The following SORT1 variants were observed in gnomAD, a reference collection of about 807,000 sequenced individuals.
SORT1 encodes sortilin.
In SORT1, 39 loss-of-function variants were observed where a neutral mutation model predicts 101.7. The observed-to-expected ratio is 0.38, with a 90% confidence interval of 0.30 to 0.50. The LOEUF is 0.50. Among genes scored for constraint, SORT1 ranks in the 20% least tolerant of loss-of-function variants. The probability of loss-of-function intolerance (pLI) is 0.90; values close to 1 mark genes in which losing one functional copy is unlikely to be tolerated. For missense variants in SORT1, 878 were observed against 1,040.4 expected (o/e 0.84, Z 2.15); for synonymous variants, 396 against 393.7 (o/e 1.01, Z -0.07).
At chr1:109,329,291 C>T (rs1648291563) in intron 11 of SORT1, among the ~76,000 whole-genome samples, 2 of 152,062 alleles carry the variant, frequency 1.3e-5, no homozygotes, top group Non-Finnish European at 2.9e-5. Flanking sequence ...TGTCGCTCTG[C>T]CACCCAGGCT....
At chr1:109,372,992 C>G (rs1168075253) in intron 1 of SORT1, among the ~76,000 whole-genome samples, 1 of 151,008 alleles carries the variant, frequency 6.6e-6, no homozygotes, top group East Asian at 1.9e-4. Flanking sequence ...GAGGCGGAGG[C>G]TGCAGTGAGG....
In SORT1 at chr1:109,311,083, G is replaced by T. The variant is rs1658702975; in HGVS notation, c.*2960C>A. ...CCAGAACTGCCGCAACTCTCCAAAGGCTTTTATTCTTTGAAATAGAGTTGC... is the reference window on the plus strand; with the variant it reads ...CCAGAACTGCCGCAACTCTCCAAAGTCTTTTATTCTTTGAAATAGAGTTGC... On this transcript the variant is annotated 3_prime_UTR_variant, in exon 20 of 20. Coordinates refer to ENST00000256637, the MANE Select transcript of SORT1 (RefSeq NM_002959.7). 1 of 152,180 alleles carries T rather than the reference G, an allele frequency of 6.6e-6. No homozygotes were observed. Among genetic ancestry groups the T allele is most frequent in the South Asian group, 2.1e-4 (1 of 4,832 alleles). 9.4% of individuals were successfully genotyped at this position (152,180 alleles called of 1,614,324 possible). A position where few individuals can be genotyped will look rare whatever the true frequency, so the allele number is the denominator to read the frequency against.
intron 1 of SORT1, among the ~76,000 whole-genome samples, chr1:109,379,731 T>G (rs929212563): frequency 2.6e-5 from 4 of 152,154 alleles, no homozygotes; most frequent in Non-Finnish European, 5.9e-5. Context: ...AAAAATTTAT[T>G]AATCCCATGA....
chr1:109,319,289 T>C (rs1647459736), intron 15 of SORT1, among the ~76,000 whole-genome samples: 1 of 152,182 alleles, frequency 6.6e-6, no homozygotes, highest in South Asian at 2.1e-4. Flanking sequence ...AGAAACAATG[T>C]CTGCTGACAA....
At chr1:109,344,060 C>T (rs764073108) in intron 8 of SORT1, among the ~76,000 whole-genome samples, 1 of 152,146 alleles carries the variant, frequency 6.6e-6, no homozygotes, top group African/African-American at 2.4e-5. Flanking sequence ...CTTAAAGGTA[C>T]CCTTGATTCC....
rs763243794 is a variant in SORT1, at chr1:109,322,947, AG to A, written c.2008del (p.Leu670TrpfsTer25). Reference protein sequence around the residue: ...TKQPSICLCSLEDFLCDFGYY... With the variant: ...TKQPSICLCSXEDFLCDFGYY... ...ATGCTGATACCAGAGAAAGTCCTCCAGGGAACAGAGGCAGATGGAGGGCTGC... is the reference window on the plus strand; with the variant it reads ...ATGCTGATACCAGAGAAAGTCCTCCAGGAACAGAGGCAGATGGAGGGCTGC... On this transcript the variant is annotated frameshift_variant, in exon 15 of 20. Transcript: ENST00000256637. LOFTEE classifies it high-confidence loss of function. The A allele has an allele frequency of 6.2e-7, 1 of 1,613,258 alleles. No individual in the cohort carries two copies. The highest frequency in any genetic ancestry group is 1.3e-5 in the African/African-American group (1 of 75,066).
intron 8 of SORT1, among the ~76,000 whole-genome samples, chr1:109,342,875 T>C (rs1048222699): frequency 6.6e-6 from 1 of 152,130 alleles, no homozygotes; most frequent in African/African-American, 2.4e-5. Flanking sequence ...AGCCTGAGCA[T>C]GAGAATTAAT....
chr1:109,347,394 A>C, intron 7 of SORT1, 89 bp downstream of exon 7: 1 of 821,116 alleles, frequency 1.2e-6, no homozygotes, highest in Non-Finnish European at 2.0e-6. Context: ...GAATGGAGGG[A>C]CCTTTTATGT....
At chr1:109,364,168 T>A (rs1650926125) in intron 3 of SORT1, among the ~76,000 whole-genome samples, 1 of 152,134 alleles carries the variant, frequency 6.6e-6, no homozygotes, top group Non-Finnish European at 1.5e-5. Context: ...AGAATTGCAC[T>A]CTAGTAAAGT....
In SORT1 at chr1:109,327,073, C is replaced by T. The variant is rs753659228; in HGVS notation, c.1562G>A (p.Gly521Glu). The change falls in exon 13 of 20, where the codon GGA becomes GAA. Residue 521 changes from glycine to glutamate, a missense_variant. This residue lies in a region of SORT1 where 684 missense variants were observed against 894.5 expected (regional missense o/e 0.76). Coordinates refer to ENST00000256637, the MANE Select transcript of SORT1 (RefSeq NM_002959.7). ...GGYSWTKMLE[G>E]PHYYTILDSG... ...ATCCAGGATGGTGTAATAGTGGGGT[C>T]CTTCCAGCATCTTTGTCCAGGAGTA... 1.2e-6 allele frequency: 2 copies of T among 1,612,530 alleles called. No individual in the cohort carries two copies. The highest frequency in any genetic ancestry group is 2.2e-5 in the East Asian group (1 of 44,840).
intron 2 of SORT1, among the ~76,000 whole-genome samples, chr1:109,367,778 G>C (rs1009605359): frequency 6.6e-6 from 1 of 152,196 alleles, no homozygotes; most frequent in Non-Finnish European, 1.5e-5. Context: ...GATACTCTCA[G>C]GCAAGAACCC....
chr1:109,365,479 T>C lies in SORT1; in HGVS notation c.440+1929A>G, dbSNP rs909112199. 2.0e-5 allele frequency among the ~76,000 whole-genome samples: 3 copies of C among 152,308 alleles called. No individual in the cohort carries two copies. In the East Asian group the frequency reaches 5.8e-4, roughly 29 times the overall value. On this transcript the variant is annotated intron_variant, in intron 3 of 19. Coordinates refer to ENST00000256637, the MANE Select transcript of SORT1 (RefSeq NM_002959.7). ...AGTTACACATTTTAAAATGCATTTT[T>C]CTCTCCCCAAATAGGATGTTTTTCA...
In SORT1 at chr1:109,314,796, C is replaced by T. The variant is rs1441214760; in HGVS notation, c.2251-18G>A. 1 of 1,481,514 alleles carries T rather than the reference C, an allele frequency of 6.7e-7. No individual in the cohort carries two copies. The highest frequency in any genetic ancestry group is 1.4e-5 in the African/African-American group (1 of 72,352). The allele number at this position is 1,481,514 out of a possible 1,614,324, so 91.8% of individuals were successfully genotyped here. A position where few individuals can be genotyped will look rare whatever the true frequency, so the allele number is the denominator to read the frequency against. On this transcript the variant is annotated intron_variant, in intron 17 of 19. Transcript: ENST00000256637. ...TTGGAATTCTTGAGAAATTAAAACA[C>T]AAACACAAAAGTTTTAGGCATGCAT...
At chr1:109,333,302 A>G (rs1045585599) in intron 11 of SORT1, among the ~76,000 whole-genome samples, 1 of 152,194 alleles carries the variant, frequency 6.6e-6, no homozygotes, top group African/African-American at 2.4e-5. Flanking sequence ...TTGAAACTGT[A>G]AAACTACTAG....
At chr1:109,392,465 G>A (rs547065260) in intron 1 of SORT1, 1 of 249,106 alleles carries the variant, frequency 4.0e-6, no homozygotes, top group African/African-American at 2.3e-5. Flanking sequence ...AAAGAAAATA[G>A]CCATTAGAAA....
At position 109,341,941 on chromosome 1, in the gene SORT1, A is replaced by G. The variant is rs367929656; in HGVS notation, c.1108+73T>C. The G allele has an allele frequency of 3.5e-6, 5 of 1,414,764 alleles. No homozygotes were observed. In the African/African-American group the frequency reaches 7.0e-5, roughly 20 times the overall value. 87.6% of individuals were successfully genotyped at this position (1,414,764 alleles called of 1,614,324 possible). ...TTTCTAGGGGTAAGAGGAAAACTCGACATGTAAAAATAAAAGCTGCTCAAA... is the reference window on the plus strand; with the variant it reads ...TTTCTAGGGGTAAGAGGAAAACTCGGCATGTAAAAATAAAAGCTGCTCAAA... On this transcript the variant is annotated intron_variant, in intron 9 of 19. Coordinates refer to ENST00000256637, the MANE Select transcript of SORT1 (RefSeq NM_002959.7).
intron 1 of SORT1, among the ~76,000 whole-genome samples, chr1:109,375,526 A>G (rs995402552): frequency 8.6e-5 from 8 of 93,508 alleles, no homozygotes; most frequent in East Asian, 3.1e-4. Context: ...CCTGGGCGAC[A>G]GTGAGACTCC....
chr1:109,384,107 T>C (rs1208081354), intron 1 of SORT1, among the ~76,000 whole-genome samples: 2 of 152,164 alleles, frequency 1.3e-5, no homozygotes, highest in Non-Finnish European at 2.9e-5. Flanking sequence ...GGGTTTTTGT[T>C]GTTTTCGAGA....
intron 11 of SORT1, among the ~76,000 whole-genome samples, chr1:109,333,045 A>T (rs890917417): frequency 1.3e-5 from 2 of 152,134 alleles, no homozygotes; most frequent in African/African-American, 4.8e-5. Context: ...CTCCTGCCTC[A>T]GTCTCCCAAG....
Sources: allele counts gnomAD v4.1 joint callset (sites outside exome capture counted in the v4.1 genomes callset), GRCh38; gene constraint gnomAD v4.1.1; regional missense constraint gnomAD v4.1.1; transcripts MANE v1.5; gene names NCBI Gene and HGNC (gene_info 2026-07-23, HGNC 2026-07-21).